INTS2: variants seen among roughly 807,000 people sequenced by gnomAD.
The protein encoded by INTS2 is KIAA1287.
In INTS2, 57 loss-of-function variants were observed where a neutral mutation model predicts 139.6. The observed-to-expected ratio is 0.41, with a 90% CI of 0.33 to 0.51. The LOEUF (loss-of-function observed/expected upper bound fraction) is 0.51. Among genes scored for constraint, INTS2 ranks in the 20% least tolerant of loss-of-function variants. The pLI, the probability that INTS2 is intolerant of heterozygous loss-of-function variation, is 0.28. For synonymous variants in INTS2, 473 were observed against 493.4 expected (o/e 0.96, Z 0.55); for missense variants, 1,196 against 1,436.7 (o/e 0.83, Z 2.71).
Position 61,927,948 on chromosome 17 carries a change from C to T in INTS2, c.-313G>A, listed in dbSNP as rs747408039. 6.8e-6 allele frequency: 11 copies of T among 1,613,864 alleles called. No homozygotes were observed. The highest frequency in any genetic ancestry group is 3.3e-4 in the Middle Eastern group (2 of 6,084). On this transcript the variant is annotated 5_prime_UTR_variant, in exon 1 of 25. Transcript: ENST00000251334. Reference sequence around the variant, plus strand: ...TGCACCCAGCACCTTCATTCATCCCCAGCGTCTGACTCCCGTCGGCCACCG... The same window carrying T: ...TGCACCCAGCACCTTCATTCATCCCTAGCGTCTGACTCCCGTCGGCCACCG...
In INTS2 at chr17:61,911,888, T is replaced by C. The variant is rs1213869401; in HGVS notation, c.780+52A>G. On this transcript the variant is annotated intron_variant, in intron 6 of 24. Coordinates refer to ENST00000251334, the MANE Select transcript of INTS2 (RefSeq NM_001351695.2). ...GACTCTAAAACCATCTTGAGAAGAG[T>C]TCTTGGACCTAATATAAAGGCCTTT... is the stretch of plus-strand genomic sequence containing the variant. The C allele has an allele frequency of 3.2e-6, 5 of 1,574,824 alleles. No homozygotes were observed. The Admixed American group carries it at 7.7e-5, about 24-fold the overall frequency.
intron 14 of INTS2, among the ~76,000 whole-genome samples, chr17:61,890,462 T>C (rs571185696): frequency 2.0e-5 from 3 of 151,612 alleles, no homozygotes; most frequent in South Asian, 4.2e-4. Flanking sequence ...ATATAAAAAT[T>C]AGCCAGGCGT....
Position 61,927,743 on chromosome 17 carries a change from T to C in INTS2, c.-108A>G. On this transcript the variant is annotated 5_prime_UTR_variant, in exon 1 of 25. Coordinates refer to ENST00000251334, the MANE Select transcript of INTS2 (RefSeq NM_001351695.2). The stretch of plus-strand genomic sequence containing the variant: ...GGCAGAAATCGAGAGCGCGGTCCGA[T>C]GTTGGGCCTAGGCGATATCCGGAAC... 4 of 1,498,610 alleles carry C rather than the reference T, an allele frequency of 2.7e-6. No homozygotes were observed. The highest frequency in any genetic ancestry group is 1.3e-5 in the South Asian group (1 of 75,148). The allele number at this position is 1,498,610 out of a possible 1,614,324, so 92.8% of individuals were successfully genotyped here. A position where few individuals can be genotyped will look rare whatever the true frequency, so the allele number is the denominator to read the frequency against.
chr17:61,919,335 A>G (rs758843990), intron 5 of INTS2, 65 bp downstream of exon 5: 35 of 765,658 alleles, frequency 4.6e-5, no homozygotes, highest in Non-Finnish European at 7.0e-5. Context: ...TCTTAGGTCA[A>G]AAAGATAGGT....
Position 61,893,982 on chromosome 17 carries a change from A to G in INTS2, c.1564-83T>C. ...AAGAGAGATTAGTAAGTAGACTGTC[A>G]ACACCTAATACAAGTGTGGTCCCTA... On this transcript the variant is annotated intron_variant, in intron 12 of 24. Coordinates refer to ENST00000251334, the MANE Select transcript of INTS2 (RefSeq NM_001351695.2). The surrounding 1 kb of genome is among the most constrained non-coding windows in gnomAD (Gnocchi z 5.4). 1 of 821,444 alleles carries G rather than the reference A, an allele frequency of 1.2e-6. No individual in the cohort carries two copies. Among genetic ancestry groups the G allele is most frequent in the South Asian group, 2.5e-5 (1 of 40,780 alleles). 50.9% of individuals were successfully genotyped at this position (821,444 alleles called of 1,614,324 possible). A position where few individuals can be genotyped will look rare whatever the true frequency, so the allele number is the denominator to read the frequency against.
Position 61,889,774 on chromosome 17 carries a change from C to A in INTS2, c.1984+12G>T. On this transcript the variant is annotated intron_variant, in intron 15 of 24. Transcript: ENST00000251334. Reference sequence around the variant, plus strand: ...AACTACCACTAGAACCACTCCTCTACGTACAACTTACCTAAAGTCTTCGTG... The same window carrying A: ...AACTACCACTAGAACCACTCCTCTAAGTACAACTTACCTAAAGTCTTCGTG... 3.6e-6 allele frequency: 5 copies of A among 1,373,140 alleles called. No individual in the cohort carries two copies. The highest frequency in any genetic ancestry group is 5.2e-6 in the Non-Finnish European group (5 of 966,614). The allele number at this position is 1,373,140 out of a possible 1,614,324, so 85.1% of individuals were successfully genotyped here. A position where few individuals can be genotyped will look rare whatever the true frequency, so the allele number is the denominator to read the frequency against.
chr17:61,895,279 A>C, intron 12 of INTS2, 36 bp downstream of exon 12: 5 of 1,228,256 alleles, frequency 4.1e-6, no homozygotes, highest in Non-Finnish European at 5.7e-6. Context: ...ATTGTAAAAG[A>C]AAGTTAAATA....
chr17:61,880,969 AC>A, intron 17 of INTS2, 37 bp downstream of exon 17: 1 of 1,518,870 alleles, frequency 6.6e-7, no homozygotes, highest in Non-Finnish European at 9.1e-7. Context: ...TCCTTGTACT[AC>A]AAAAGGGGTT....
In INTS2 at chr17:61,868,455, T is replaced by A. The variant is rs192190099; in HGVS notation, c.3245-446A>T. 6.6e-6 allele frequency among the ~76,000 whole-genome samples: 1 copy of A among 152,224 alleles called. No homozygotes were observed. The highest frequency in any genetic ancestry group is 1.9e-4 in the East Asian group (1 of 5,188). On this transcript the variant is annotated intron_variant, in intron 23 of 24. Coordinates refer to ENST00000251334, the MANE Select transcript of INTS2 (RefSeq NM_001351695.2). This position sits in a 1 kb window ranked among gnomAD's most constrained non-coding sequence, Gnocchi z 4.7. ...GATGAAAAGAAAAACAACAGGGTAT[T>A]ATGGAAATATTATAATGAGAAAGAA... is the stretch of plus-strand genomic sequence containing the variant.
intron 15 of INTS2, among the ~76,000 whole-genome samples, chr17:61,889,306 C>T (rs925395369): frequency 8.5e-5 from 13 of 152,124 alleles, no homozygotes; most frequent in African/African-American, 2.6e-4. Flanking sequence ...AGGCTGGTCT[C>T]GAACTCCTGA....
In INTS2 at chr17:61,870,099, A is replaced by G; in HGVS notation, c.2779-111T>C. 9.8e-7 allele frequency: 1 copy of G among 1,016,054 alleles called. No homozygotes were observed. Among genetic ancestry groups the G allele is most frequent in the Non-Finnish European group, 1.4e-6 (1 of 713,768 alleles). The allele number at this position is 1,016,054 out of a possible 1,614,324, so 62.9% of individuals were successfully genotyped here. A position where few individuals can be genotyped will look rare whatever the true frequency, so the allele number is the denominator to read the frequency against. On this transcript the variant is annotated intron_variant, in intron 20 of 24. Coordinates refer to ENST00000251334, the MANE Select transcript of INTS2 (RefSeq NM_001351695.2). The surrounding 1 kb of genome is among the most constrained non-coding windows in gnomAD (Gnocchi z 4.4). ...TGATAAAATAACTAATTTCTTAAAC[A>G]CACATACACAAAGAGGTACTTCTAA... is the stretch of plus-strand genomic sequence containing the variant.
intron 16 of INTS2, 148 bp from the exon 17 acceptor site, chr17:61,881,319 G>A (rs758061089): frequency 4.2e-5 from 28 of 674,500 alleles, no homozygotes; most frequent in South Asian, 1.2e-4. Flanking sequence ...TTAGATGGCC[G>A]GGCGCGGTGG....
chr17:61,866,770 A>T lies in INTS2; in HGVS notation c.*787T>A, dbSNP rs1408665264. 1 of 152,210 alleles carries T rather than the reference A, an allele frequency of 6.6e-6. No homozygotes were observed. The highest frequency in any genetic ancestry group is 2.4e-5 in the African/African-American group (1 of 41,448). The allele number at this position is 152,210 out of a possible 1,614,324, so 9.4% of individuals were successfully genotyped here. The stretch of plus-strand genomic sequence containing the variant: ...AGTTAATAAAGCATTATAAAAATAA[A>T]TTTAAAACATAAAACTAAATGAGAT... On this transcript the variant is annotated 3_prime_UTR_variant, in exon 25 of 25. Transcript: ENST00000251334.
chr17:61,915,909 A>G (rs1242493933), intron 5 of INTS2, among the ~76,000 whole-genome samples: 3 of 151,992 alleles, frequency 2.0e-5, no homozygotes, highest in Non-Finnish European at 4.4e-5. Context: ...TATCTTTAAA[A>G]TGGCCATATT....
chr17:61,918,871 T>C (rs1210655275), intron 5 of INTS2, among the ~76,000 whole-genome samples: 1 of 152,010 alleles, frequency 6.6e-6, no homozygotes, highest in African/African-American at 2.4e-5. Context: ...CACTGATACA[T>C]GTATCTTCTT....
intron 5 of INTS2, among the ~76,000 whole-genome samples, chr17:61,917,668 T>G (rs964179213): frequency 2.0e-5 from 3 of 152,144 alleles, no homozygotes; most frequent in Non-Finnish European, 2.9e-5. Context: ...AACTACCTAT[T>G]GGGTACTATG....
At chr17:61,920,729 G>A (rs994944504) in intron 4 of INTS2, among the ~76,000 whole-genome samples, 7 of 151,564 alleles carry the variant, frequency 4.6e-5, no homozygotes, top group Admixed American at 6.6e-5. Context: ...CTTGAACCCC[G>A]GAGGCGGAGG....
intron 1 of INTS2, 66 bp from the exon 2 acceptor site, chr17:61,926,728 A>G: frequency 7.9e-7 from 1 of 1,264,618 alleles, no homozygotes; most frequent in Non-Finnish European, 1.1e-6. Context: ...CCAACTTTCT[A>G]AAAACCCTGA....
intron 5 of INTS2, among the ~76,000 whole-genome samples, chr17:61,918,841 G>T (rs1009614843): frequency 6.6e-6 from 1 of 150,874 alleles, no homozygotes; most frequent in Non-Finnish European, 1.5e-5. Context: ...TACATATCCC[G>T]TATTGCTCTC....
Sources: allele counts gnomAD v4.1 joint callset (sites outside exome capture counted in the v4.1 genomes callset), GRCh38; gene constraint gnomAD v4.1.1; non-coding constraint Gnocchi (gnomAD v3.1); transcripts MANE v1.5; gene names NCBI Gene and HGNC (gene_info 2026-07-23, HGNC 2026-07-21).